PRKG2: variants seen among roughly 807,000 people sequenced by gnomAD.
PRKG2 encodes cGMP-dependent protein kinase 2.
Under a neutral mutation model 97.2 loss-of-function variants are expected in PRKG2, and 33 were observed. The observed-to-expected ratio is 0.34, with a 90% confidence interval of 0.26 to 0.45. PRKG2 has a LOEUF of 0.45. PRKG2 is among the 20% of genes least tolerant of loss of function. The pLI is 1.00. For synonymous variants in PRKG2, 330 were observed against 321.8 expected (o/e 1.03, Z -0.27); for missense variants, 638 against 900.0 (o/e 0.71, Z 3.73).
upstream of PRKG2, among the ~76,000 whole-genome samples, chr4:81,216,111 G>A (rs1754264243): frequency 6.6e-6 from 1 of 152,092 alleles, no homozygotes; most frequent in Admixed American, 6.5e-5. Flanking sequence ...TCTAGAGAAT[G>A]TTACAACCAA....
intron 2 of PRKG2, among the ~76,000 whole-genome samples, chr4:81,178,075 C>T (rs1751092863): frequency 1.5e-5 from 2 of 133,428 alleles, no homozygotes; most frequent in Non-Finnish European, 3.2e-5. Flanking sequence ...TCCTGGGTGT[C>T]TACCTGGGGT....
chr4:81,171,014 A>G (rs1021697296), intron 4 of PRKG2, among the ~76,000 whole-genome samples: 2 of 152,006 alleles, frequency 1.3e-5, no homozygotes, highest in Non-Finnish European at 2.9e-5. Flanking sequence ...TTTTAATTTA[A>G]TTTAATTTTA....
At chr4:81,119,502 C>T (rs1744867561) in intron 14 of PRKG2, among the ~76,000 whole-genome samples, 2 of 152,190 alleles carry the variant, frequency 1.3e-5, no homozygotes, top group South Asian at 4.1e-4. Context: ...ACACTGTCTT[C>T]AGTATGGTAG....
chr4:81,208,022 T>A (rs532037220), intron 1 of PRKG2, among the ~76,000 whole-genome samples: 6 of 152,172 alleles, frequency 3.9e-5, no homozygotes, highest in African/African-American at 7.2e-5. Context: ...TTAAAATCAT[T>A]CTTACAGTCA....
chr4:81,171,621 A>G, intron 4 of PRKG2, 70 bp downstream of exon 4: 1 of 1,210,430 alleles, frequency 8.3e-7, no homozygotes, highest in Non-Finnish European at 1.2e-6. Context: ...CAGGGTGCAA[A>G]TGTGACTGGA....
intron 3 of PRKG2, 97 bp from the exon 4 acceptor site, chr4:81,171,901 G>T: frequency 1.3e-6 from 1 of 766,760 alleles, no homozygotes; most frequent in Non-Finnish European, 2.0e-6. Context: ...AGCACACAAA[G>T]TATACAGGTA....
intron 2 of PRKG2, among the ~76,000 whole-genome samples, chr4:81,178,576 C>A (rs972751685): frequency 1.3e-5 from 2 of 151,472 alleles, no homozygotes; most frequent in Non-Finnish European, 2.9e-5. Flanking sequence ...TGAAGCTTGA[C>A]ACGCAAAAGA....
intron 2 of PRKG2, among the ~76,000 whole-genome samples, chr4:81,195,004 G>T (rs1040486330): frequency 6.6e-6 from 1 of 152,080 alleles, no homozygotes; most frequent in Admixed American, 6.6e-5. Flanking sequence ...CTGGGGGTTA[G>T]ACCCAGGCAT....
intron 6 of PRKG2, among the ~76,000 whole-genome samples, chr4:81,164,171 A>G (rs1311956251): frequency 6.6e-6 from 1 of 152,174 alleles, no homozygotes; most frequent in Non-Finnish European, 1.5e-5. Flanking sequence ...ATCATATAGA[A>G]TTCTATGATT....
Position 81,087,955 on chromosome 4 carries a change from T to C in PRKG2, c.*1753A>G, listed in dbSNP as rs2109930407. On this transcript the variant is annotated 3_prime_UTR_variant, in exon 19 of 19. Transcript: ENST00000264399. Reference sequence around the variant, plus strand: ...CTGTATAGTTCTAATATCCACCCAATACATAAATTTTCTATCTTTATAGGT... The same window carrying C: ...CTGTATAGTTCTAATATCCACCCAACACATAAATTTTCTATCTTTATAGGT... 6.6e-6 allele frequency: 1 copy of C among 152,260 alleles called. No homozygotes were observed. The highest frequency in any genetic ancestry group is 1.9e-4 in the East Asian group (1 of 5,188). The allele number at this position is 152,260 out of a possible 1,614,324, so 9.4% of individuals were successfully genotyped here.
intron 17 of PRKG2, among the ~76,000 whole-genome samples, chr4:81,094,325 A>G (rs1741899450): frequency 6.6e-6 from 1 of 152,182 alleles, no homozygotes; most frequent in African/African-American, 2.4e-5. Context: ...TTTAAATACA[A>G]AATTAAAGTG....
At chr4:81,131,442 G>GT (rs1472615959) in intron 14 of PRKG2, among the ~76,000 whole-genome samples, 44 of 152,264 alleles carry the variant, frequency 2.9e-4, no homozygotes, top group African/African-American at 1.0e-3. Flanking sequence ...CCATGAAGTG[G>GT]TTTTTTAAGA....
At chr4:81,200,688 C>T (rs1753249102) in intron 2 of PRKG2, among the ~76,000 whole-genome samples, 1 of 152,172 alleles carries the variant, frequency 6.6e-6, no homozygotes, top group Non-Finnish European at 1.5e-5. Context: ...TACCTGTGTC[C>T]TTACTTCTCT....
At position 81,144,309 on chromosome 4, in the gene PRKG2, A is replaced by C; in HGVS notation, c.1176T>G (p.Gly392=). The C allele has an allele frequency of 6.2e-7, 1 of 1,611,166 alleles. No homozygotes were observed. The highest frequency in any genetic ancestry group is 8.5e-7 in the Non-Finnish European group (1 of 1,177,568). The change falls in exon 10 of 19, where the codon GGT becomes GGG. Residue 392 remains glycine, a synonymous_variant. Transcript: ENST00000264399. ...GGTATTTTTGCAGCTCTTCAAATGT[A>C]CCGACAGTTTGGTTGAATGTTCTAA... ...IDRETFNQTV[G]TFEELQKYLE...
chr4:81,217,241 C>G (rs1754312699), upstream of PRKG2, among the ~76,000 whole-genome samples: 1 of 151,720 alleles, frequency 6.6e-6, no homozygotes, highest in Non-Finnish European at 1.5e-5. Flanking sequence ...TGGGTCAAAG[C>G]CAGCATTTTT....
Position 81,175,932 on chromosome 4 carries a change from C to T in PRKG2, c.462-973G>A, listed in dbSNP as rs181783323. The T allele has an allele frequency of 5.9e-5, 9 of 152,206 alleles. No individual in the cohort carries two copies. In the East Asian group the frequency reaches 1.5e-3, roughly 26 times the overall value. 9.4% of individuals were successfully genotyped at this position (152,206 alleles called of 1,614,324 possible). On this transcript the variant is annotated intron_variant, in intron 2 of 18. Transcript: ENST00000264399. Reference sequence around the variant, plus strand: ...ATTTACTCTCGATCATAAAACTCAGCATGATTTTTTAAGTACTTTTTTCTG... The same window carrying T: ...ATTTACTCTCGATCATAAAACTCAGTATGATTTTTTAAGTACTTTTTTCTG...
chr4:81,149,093 T>C (rs766443112), intron 8 of PRKG2, 141 bp from the exon 9 acceptor site: 79 of 738,048 alleles, frequency 1.1e-4, no homozygotes, highest in Non-Finnish European at 1.8e-4. Context: ...AACATCATAA[T>C]TTATATCCCC....
chr4:81,106,422 A>G (rs1490976797), intron 15 of PRKG2, among the ~76,000 whole-genome samples: 1 of 152,118 alleles, frequency 6.6e-6, no homozygotes, highest in African/African-American at 2.4e-5. Flanking sequence ...GGAGTGAGGA[A>G]GCAAGAGGGG....
chr4:81,128,501 A>G (rs1199105207), intron 14 of PRKG2, among the ~76,000 whole-genome samples: 2 of 152,098 alleles, frequency 1.3e-5, no homozygotes, highest in East Asian at 3.9e-4. Flanking sequence ...TACTGCCTCA[A>G]TTTCAGAACT....
Sources: allele counts gnomAD v4.1 joint callset (sites outside exome capture counted in the v4.1 genomes callset), GRCh38; gene constraint gnomAD v4.1.1; transcripts MANE v1.5; gene names NCBI Gene and HGNC (gene_info 2026-07-23, HGNC 2026-07-21).